The following NME7 variants were observed in gnomAD, a reference collection of about 807,000 sequenced individuals.
NME7 encodes nucleoside diphosphate kinase 7.
In NME7, 41 loss-of-function variants were observed where a neutral mutation model predicts 49.1. That is an observed-to-expected ratio of 0.83 (90% confidence interval 0.65 to 1.08). The LOEUF (loss-of-function observed/expected upper bound fraction) is 1.08. Among genes scored for constraint, NME7 ranks in the 50% least tolerant of loss-of-function variants. The probability of loss-of-function intolerance (pLI) is 0.00; values close to 1 mark genes in which losing one functional copy is unlikely to be tolerated. For missense variants in NME7, 423 were observed against 463.4 expected, an observed-to-expected ratio of 0.91 and a Z score of 0.80; for synonymous variants, 139 against 150.6, an observed-to-expected ratio of 0.92 and a Z score of 0.56.
chr1:169,294,105 C>T (rs193181684), intron 6 of NME7, among the ~76,000 whole-genome samples: 113 of 152,182 alleles, frequency 7.4e-4, no homozygotes, highest in African/African-American at 2.7e-3. Flanking sequence ...TAAAAGATAA[C>T]ATCCATTCAT....
intron 7 of NME7, among the ~76,000 whole-genome samples, chr1:169,279,070 C>T (rs937084485): frequency 3.9e-5 from 6 of 152,218 alleles, no homozygotes; most frequent in Admixed American, 6.5e-5. Context: ...AGTACCTGGC[C>T]GTGTGAGGTG....
intron 5 of NME7, among the ~76,000 whole-genome samples, chr1:169,301,102 G>T (rs1240799740): frequency 6.6e-6 from 1 of 152,050 alleles, no homozygotes; most frequent in African/African-American, 2.4e-5. Context: ...AAGAGCTTCT[G>T]CACAGAAAGC....
chr1:169,352,564 G>A (rs1273986959), intron 1 of NME7, among the ~76,000 whole-genome samples: 1 of 151,864 alleles, frequency 6.6e-6, no homozygotes, highest in African/African-American at 2.4e-5. Context: ...AACATAGGAG[G>A]TCCTAGCTAT....
At chr1:169,308,789 T>A (rs1478480245) in intron 4 of NME7, among the ~76,000 whole-genome samples, 1 of 152,162 alleles carries the variant, frequency 6.6e-6, no homozygotes, top group Non-Finnish European at 1.5e-5. Context: ...TAAGTAAATG[T>A]ATAAGTCTTA....
intron 7 of NME7, among the ~76,000 whole-genome samples, chr1:169,276,365 G>T (rs1173602966): frequency 3.8e-5 from 5 of 133,146 alleles, no homozygotes; most frequent in South Asian, 2.3e-4. Flanking sequence ...CAATTTCTGA[G>T]CCTGTTATTG....
intron 11 of NME7, among the ~76,000 whole-genome samples, chr1:169,150,298 A>C (rs530175922): frequency 2.7e-4 from 41 of 152,332 alleles, no homozygotes; most frequent in African/African-American, 9.6e-4. Flanking sequence ...TATATTTAAG[A>C]GTCTAAGGGC....
At chr1:169,196,050 G>A (rs925763119) in intron 10 of NME7, among the ~76,000 whole-genome samples, 2 of 152,134 alleles carry the variant, frequency 1.3e-5, no homozygotes, top group African/African-American at 2.4e-5. Context: ...ATACTACTAA[G>A]CACAAATAAC....
intron 9 of NME7, among the ~76,000 whole-genome samples, chr1:169,232,562 G>C (rs910884327): frequency 4.6e-5 from 7 of 151,810 alleles, no homozygotes; most frequent in South Asian, 4.2e-4. Flanking sequence ...GTGTTGGGGG[G>C]GGGGCAGGGG....
intron 11 of NME7, among the ~76,000 whole-genome samples, chr1:169,166,042 C>T (rs867851658): frequency 2.6e-5 from 4 of 152,274 alleles, no homozygotes; most frequent in African/African-American, 9.6e-5. Flanking sequence ...TTGCAAACTA[C>T]AGGCAGTAAT....
intron 11 of NME7, among the ~76,000 whole-genome samples, chr1:169,155,840 G>T (rs1373842292): frequency 6.7e-6 from 1 of 150,200 alleles, no homozygotes; most frequent in Non-Finnish European, 1.5e-5. Context: ...TTAATCAAGA[G>T]AACAACTTGA....
intron 11 of NME7, among the ~76,000 whole-genome samples, chr1:169,157,236 T>G (rs1659104215): frequency 6.6e-6 from 1 of 152,140 alleles, no homozygotes; most frequent in Non-Finnish European, 1.5e-5. Context: ...ATTCATGATA[T>G]ATTCCCACAT....
chr1:169,336,049 A>G (rs1184081164), intron 1 of NME7, among the ~76,000 whole-genome samples: 1 of 151,576 alleles, frequency 6.6e-6, no homozygotes, highest in Non-Finnish European at 1.5e-5. Context: ...GTCCCTTCTG[A>G]TGTTCAGATG....
intron 11 of NME7, among the ~76,000 whole-genome samples, chr1:169,148,299 G>A (rs746289861): frequency 6.6e-6 from 1 of 151,870 alleles, no homozygotes; most frequent in African/African-American, 2.4e-5. Context: ...CACTGCACCC[G>A]GACTCATTTC....
At chr1:169,241,747 T>C (rs1648097198) in intron 7 of NME7, among the ~76,000 whole-genome samples, 1 of 151,892 alleles carries the variant, frequency 6.6e-6, no homozygotes, top group South Asian at 2.1e-4. Flanking sequence ...CATTTTCAAA[T>C]ATTATTTAAT....
At chr1:169,177,815 T>C (rs996136747) in intron 10 of NME7, among the ~76,000 whole-genome samples, 8 of 149,900 alleles carry the variant, frequency 5.3e-5, no homozygotes, top group African/African-American at 1.9e-4. Context: ...AGTATTTCCC[T>C]TGGCTCAGCA....
At chr1:169,273,875 G>T (rs1198831572) in intron 7 of NME7, among the ~76,000 whole-genome samples, 1 of 126,858 alleles carries the variant, frequency 7.9e-6, no homozygotes, top group African/African-American at 2.6e-5. Flanking sequence ...TGGACATTTG[G>T]GTTGGTTCCA....
chr1:169,317,418 T>C (rs1291091279), intron 3 of NME7, among the ~76,000 whole-genome samples: 1 of 152,238 alleles, frequency 6.6e-6, no homozygotes, highest in East Asian at 1.9e-4. Context: ...TTGTATTATT[T>C]GGGAGGCAGT....
At chr1:169,288,429 C>T (rs889676744) in intron 6 of NME7, among the ~76,000 whole-genome samples, 14 of 152,258 alleles carry the variant, frequency 9.2e-5, no homozygotes, top group Admixed American at 2.0e-4. Flanking sequence ...AGTCAAATCT[C>T]TGTAGATGTG....
At chr1:169,285,139 T>C (rs919310948) in intron 7 of NME7, 1 of 152,152 alleles carries the variant, frequency 6.6e-6, no homozygotes, top group African/African-American at 2.4e-5. Flanking sequence ...GTGTTTTGGA[T>C]TTCAATTTTT....
Sources: allele counts gnomAD v4.1 joint callset (sites outside exome capture counted in the v4.1 genomes callset), GRCh38; gene constraint gnomAD v4.1.1; transcripts MANE v1.5; gene names NCBI Gene and HGNC (gene_info 2026-07-23, HGNC 2026-07-21).